CTNNA3: variants seen among roughly 807,000 people sequenced by gnomAD.
CTNNA3 encodes the protein catenin alpha 3.
A neutral mutation model predicts 95.7 loss-of-function variants in CTNNA3; 76 were observed. That is an observed-to-expected ratio of 0.79 (90% CI 0.66 to 0.96). The LOEUF (loss-of-function observed/expected upper bound fraction) is 0.96. Among genes scored for constraint, CTNNA3 ranks in the 40% least tolerant of loss-of-function variants. The pLI, the probability that CTNNA3 is intolerant of heterozygous loss-of-function variation, is 0.00. For synonymous variants in CTNNA3, 431 were observed against 374.4 expected, an observed-to-expected ratio of 1.15 and a Z score of -1.74; for missense variants, 1,191 against 1,089.8, an observed-to-expected ratio of 1.09 and a Z score of -1.31.
intron 5 of CTNNA3, among the ~76,000 whole-genome samples, chr10:67,518,633 T>C (rs1289391832): frequency 1.3e-5 from 2 of 152,156 alleles, no homozygotes; most frequent in Non-Finnish European, 2.9e-5. Flanking sequence ...TGTTTTATAA[T>C]GTTATTATAA....
intron 3 of CTNNA3, among the ~76,000 whole-genome samples, chr10:67,551,718 G>A (rs1262100625): frequency 6.6e-6 from 1 of 152,112 alleles, no homozygotes; most frequent in African/African-American, 2.4e-5. Context: ...CTGAAGAAGC[G>A]AGCCACACTC....
intron 15 of CTNNA3, among the ~76,000 whole-genome samples, chr10:66,066,810 T>C (rs1255983438): frequency 6.6e-6 from 1 of 152,160 alleles, no homozygotes; most frequent in East Asian, 1.9e-4. Flanking sequence ...GACAAAAATA[T>C]GCATATGAGA....
chr10:66,076,920 T>G (rs1564620731), intron 14 of CTNNA3, among the ~76,000 whole-genome samples: 1 of 151,824 alleles, frequency 6.6e-6, no homozygotes, highest in Non-Finnish European at 1.5e-5. Flanking sequence ...TCCAATGTTT[T>G]ATTTCTTTTT....
chr10:67,141,714 T>C (rs946857604), intron 7 of CTNNA3, among the ~76,000 whole-genome samples: 1 of 152,202 alleles, frequency 6.6e-6, no homozygotes, highest in Non-Finnish European at 1.5e-5. Context: ...AAAATATAAA[T>C]GCAGCTGCCT....
At chr10:66,204,219 A>C (rs2087614027) in intron 13 of CTNNA3, among the ~76,000 whole-genome samples, 1 of 152,158 alleles carries the variant, frequency 6.6e-6, no homozygotes, top group South Asian at 2.1e-4. Flanking sequence ...GCTACTCCAC[A>C]TAGCAGTGAA....
At chr10:66,658,306 C>T (rs1846140641) in intron 9 of CTNNA3, among the ~76,000 whole-genome samples, 1 of 151,882 alleles carries the variant, frequency 6.6e-6, no homozygotes, top group Admixed American at 6.6e-5. Flanking sequence ...AGATTGGATA[C>T]TCTCTAAAAT....
intron 1 of CTNNA3, among the ~76,000 whole-genome samples, chr10:67,714,771 T>C (rs536843452): frequency 1.2e-4 from 18 of 152,278 alleles, no homozygotes; most frequent in African/African-American, 4.1e-4. Flanking sequence ...GGGAGGGATT[T>C]GGTGAGAGGT....
chr10:66,373,601 T>A (rs1490129267), intron 12 of CTNNA3, among the ~76,000 whole-genome samples: 1 of 148,318 alleles, frequency 6.7e-6, no homozygotes, highest in Admixed American at 6.7e-5. Context: ...CTAATTGTGT[T>A]AAAAAAAAAA....
At chr10:66,629,978 TC>T (rs770017062) in intron 9 of CTNNA3, among the ~76,000 whole-genome samples, 36 of 152,286 alleles carry the variant, frequency 2.4e-4, no homozygotes, top group South Asian at 1.0e-3. Context: ...GTCAGATTTT[TC>T]CTTCAGAGCA....
chr10:66,619,079 G>A (rs1844642626), intron 10 of CTNNA3, among the ~76,000 whole-genome samples: 2 of 151,832 alleles, frequency 1.3e-5, no homozygotes, highest in Admixed American at 1.3e-4. Context: ...TGGAGAGGAT[G>A]TGGAGAAATA....
chr10:67,371,192 G>A (rs1270376013), intron 5 of CTNNA3, among the ~76,000 whole-genome samples: 4 of 151,202 alleles, frequency 2.6e-5, no homozygotes, highest in Admixed American at 2.6e-4. Context: ...GCAAGAAATT[G>A]TTCCTTTTTT....
chr10:66,785,086 T>C (rs937717707), intron 7 of CTNNA3, among the ~76,000 whole-genome samples: 1 of 152,186 alleles, frequency 6.6e-6, no homozygotes. Context: ...CTTGTTTTTT[T>C]GTTTGTTTGT....
chr10:67,233,999 G>T (rs1364295990), intron 5 of CTNNA3, among the ~76,000 whole-genome samples: 2 of 152,078 alleles, frequency 1.3e-5, no homozygotes, highest in Admixed American at 6.6e-5. Context: ...AATAACAGGA[G>T]CTGAAATTGT....
chr10:66,405,010 C>A (rs928584341), intron 11 of CTNNA3, among the ~76,000 whole-genome samples: 1 of 152,116 alleles, frequency 6.6e-6, no homozygotes, highest in African/African-American at 2.4e-5. Flanking sequence ...TCATCTCCTG[C>A]CTTTGCCCTA....
Position 67,658,856 on chromosome 10 carries a change from C to G in CTNNA3, c.-5-11338G>C, listed in dbSNP as rs969166278. 5.9e-5 allele frequency among the ~76,000 whole-genome samples: 9 copies of G among 152,244 alleles called. No homozygotes were observed. The East Asian group carries it at 1.7e-3, about 29-fold the overall frequency. On this transcript the variant is annotated intron_variant, in intron 1 of 17. Transcript: ENST00000433211. ...TAGAACAAAAGGTAAATATCATTAG[C>G]ATGTTGTAATTCAAACTTTATAAGC... is the stretch of plus-strand genomic sequence containing the variant.
At chr10:65,930,540 A>C (rs16922175) in intron 17 of CTNNA3, among the ~76,000 whole-genome samples, 3,648 of 152,232 alleles carry the variant, frequency 0.024, 56 homozygotes, top group Non-Finnish European at 0.038. Flanking sequence ...TGACTAGCAA[A>C]ATGGATTTTT....
chr10:67,362,187 G>C (rs984033556), intron 5 of CTNNA3, among the ~76,000 whole-genome samples: 1 of 151,780 alleles, frequency 6.6e-6, no homozygotes, highest in African/African-American at 2.4e-5. Flanking sequence ...ATTCTACCAG[G>C]GATACAAAAA....
chr10:67,729,886 T>C (rs1421834548), intron 1 of CTNNA3, among the ~76,000 whole-genome samples: 1 of 152,140 alleles, frequency 6.6e-6, no homozygotes, highest in Non-Finnish European at 1.5e-5. Flanking sequence ...TTTTTTAAAA[T>C]ATGTAAAAAT....
chr10:67,239,793 G>T (rs777982169), intron 5 of CTNNA3, among the ~76,000 whole-genome samples: 5 of 151,992 alleles, frequency 3.3e-5, no homozygotes, highest in Non-Finnish European at 7.4e-5. Context: ...GTCATTAAGG[G>T]AAGAATGAGA....
Sources: gnomAD v4.1 joint callset for allele counts (sites outside exome capture counted in the v4.1 genomes callset) on GRCh38, gnomAD v4.1.1 for gene constraint, MANE v1.5 for transcripts, NCBI Gene and HGNC (gene_info 2026-07-23, HGNC 2026-07-21) for gene names.